SOX5: variants seen among roughly 807,000 people sequenced by gnomAD.
SOX5 encodes SRY-box transcription factor 5.
A neutral mutation model predicts 92.0 loss-of-function variants in SOX5; 9 were observed. The observed-to-expected ratio is 0.10, with a 90% confidence interval of 0.06 to 0.17. The LOEUF (loss-of-function observed/expected upper bound fraction) is 0.17. SOX5 is among the 10% of genes least tolerant of loss of function. SOX5 has a pLI of 1.00. For missense variants in SOX5, 642 were observed against 944.5 expected, an observed-to-expected ratio of 0.68 and a Z score of 4.20; for synonymous variants, 344 against 336.3, an observed-to-expected ratio of 1.02 and a Z score of -0.25.
intron 2 of SOX5, among the ~76,000 whole-genome samples, chr12:24,342,853 T>C (rs1412785987): frequency 6.6e-6 from 1 of 152,182 alleles, no homozygotes. Flanking sequence ...GGCGAAATGG[T>C]AAATAGAAAA....
chr12:24,485,756 AC>A (rs1946455950), intron 1 of SOX5, among the ~76,000 whole-genome samples: 1 of 151,998 alleles, frequency 6.6e-6, no homozygotes, highest in East Asian at 1.9e-4. Context: ...CCTCCCCTCA[AC>A]CCTAAAATGC....
chr12:24,201,979 TCTTCA>T (rs1957563273), intron 4 of SOX5, among the ~76,000 whole-genome samples: 3 of 152,258 alleles, frequency 2.0e-5, no homozygotes, highest in Non-Finnish European at 4.4e-5. Context: ...TAAACCTTGA[TCTTCA>T]CTTGAGTGCT....
intron 2 of SOX5, among the ~76,000 whole-genome samples, chr12:24,290,287 T>C (rs904312627): frequency 6.6e-6 from 1 of 152,222 alleles, no homozygotes; most frequent in East Asian, 1.9e-4. Flanking sequence ...GGAATGACCA[T>C]AGACTCTAAT....
intron 1 of SOX5, among the ~76,000 whole-genome samples, chr12:24,533,546 A>G (rs1311672651): frequency 2.0e-5 from 3 of 152,206 alleles, no homozygotes; most frequent in East Asian, 1.9e-4. Flanking sequence ...CAAAATTAAA[A>G]TTTTCAGGAC....
intron 2 of SOX5, among the ~76,000 whole-genome samples, chr12:24,317,179 T>G (rs938771757): frequency 6.6e-6 from 1 of 152,226 alleles, no homozygotes; most frequent in African/African-American, 2.4e-5. Flanking sequence ...CTATAAAATA[T>G]GCTCTAAGTA....
At chr12:24,540,824 G>A (rs1477939978) in intron 1 of SOX5, among the ~76,000 whole-genome samples, 1 of 152,084 alleles carries the variant, frequency 6.6e-6, no homozygotes, top group Non-Finnish European at 1.5e-5. Flanking sequence ...ATCAAACTCT[G>A]TACTTTGCAA....
rs1055920251 is a variant in SOX5, at chr12:23,533,581, C to A, written c.*638G>T. On this transcript the variant is annotated 3_prime_UTR_variant, in exon 15 of 15. Coordinates refer to ENST00000451604, the MANE Select transcript of SOX5 (RefSeq NM_006940.6). ...TAATTGCTTATTTTGTGGTGGATAG[C>A]AAGGAAGTTAAAAACAGGCTCTTTT... 6.5e-6 allele frequency: 1 copy of A among 154,348 alleles called. No individual in the cohort carries two copies. Among genetic ancestry groups the A allele is most frequent in the Non-Finnish European group, 1.4e-5 (1 of 69,312 alleles). 9.6% of individuals were successfully genotyped at this position (154,348 alleles called of 1,614,324 possible). A position where few individuals can be genotyped will look rare whatever the true frequency, so the allele number is the denominator to read the frequency against.
chr12:24,029,415 C>T (rs1955233582), intron 4 of SOX5, among the ~76,000 whole-genome samples: 1 of 151,900 alleles, frequency 6.6e-6, no homozygotes, highest in African/African-American at 2.4e-5. Flanking sequence ...GCTAGGACTA[C>T]AGATATGTAA....
intron 3 of SOX5, among the ~76,000 whole-genome samples, chr12:23,788,541 AAAGCAATTGTATAATG>A (rs1405843704): frequency 1.3e-5 from 2 of 151,986 alleles, no homozygotes; most frequent in African/African-American, 2.4e-5. Flanking sequence ...CGGTTTAATA[AAAGCAATTGTATAATG>A]GCCTGGGAAT....
chr12:23,652,383 G>A (rs921842503), intron 7 of SOX5, among the ~76,000 whole-genome samples: 7 of 151,836 alleles, frequency 4.6e-5, no homozygotes, highest in African/African-American at 7.3e-5. Context: ...ATTCCTTGGC[G>A]TCTAATCCTT....
intron 1 of SOX5, among the ~76,000 whole-genome samples, chr12:23,946,350 C>A (rs1944587412): frequency 6.6e-6 from 1 of 151,940 alleles, no homozygotes; most frequent in Admixed American, 6.6e-5. Context: ...AAGTTTCTAA[C>A]ATAAAGCAAT....
chr12:23,950,745 G>T (rs1342792191), upstream of SOX5: 2 of 853,526 alleles, frequency 2.3e-6, no homozygotes, highest in Admixed American at 2.1e-5. Context: ...GGCTGGCAAG[G>T]CACAGCCTCC....
intron 4 of SOX5, among the ~76,000 whole-genome samples, chr12:24,121,278 G>A (rs1445078086): frequency 6.6e-6 from 1 of 152,170 alleles, no homozygotes; most frequent in Non-Finnish European, 1.5e-5. Flanking sequence ...CATGGAAAAT[G>A]TGCATTACTA....
intron 1 of SOX5, among the ~76,000 whole-genome samples, chr12:24,410,172 A>G (rs947013526): frequency 4.0e-5 from 6 of 151,806 alleles, no homozygotes; most frequent in South Asian, 2.1e-4. Context: ...TAATTTTTGT[A>G]TTTTTTGTAG....
intron 9 of SOX5, among the ~76,000 whole-genome samples, chr12:23,589,743 T>C (rs1443619950): frequency 1.3e-5 from 2 of 151,972 alleles, no homozygotes; most frequent in African/African-American, 4.8e-5. Flanking sequence ...TAAATAACAT[T>C]GTTTCATTTT....
chr12:24,053,158 T>C lies in SOX5; in HGVS notation c.-1-157134A>G, dbSNP rs117607129. 6.0e-3 allele frequency among the ~76,000 whole-genome samples: 910 copies of C among 151,944 alleles called. 11 individuals carry two copies. The highest frequency in any genetic ancestry group is 0.034 in the South Asian group (165 of 4,816). On this transcript the variant is annotated intron_variant, in intron 4 of 4. Transcript: ENST00000446891. ...AATGTTACACCTTTCCAGTAACTTTTGAAGCCAATGCTACTGCACGCCCCC... is the reference window on the plus strand; with the variant it reads ...AATGTTACACCTTTCCAGTAACTTTCGAAGCCAATGCTACTGCACGCCCCC...
At chr12:23,958,006 T>A (rs1402487241) in intron 4 of SOX5, among the ~76,000 whole-genome samples, 3 of 152,066 alleles carry the variant, frequency 2.0e-5, no homozygotes. Context: ...CCTAAATAAA[T>A]CATGGGTCTA....
intron 3 of SOX5, among the ~76,000 whole-genome samples, chr12:23,831,497 T>A (rs2096318979): frequency 1.3e-5 from 2 of 152,038 alleles, no homozygotes; most frequent in African/African-American, 4.8e-5. Context: ...GGTATTTCCT[T>A]TACCCAACAA....
At chr12:23,553,924 G>A (rs1213707100) in intron 11 of SOX5, among the ~76,000 whole-genome samples, 1 of 152,074 alleles carries the variant, frequency 6.6e-6, no homozygotes, top group African/African-American at 2.4e-5. Flanking sequence ...TCTTACAAAT[G>A]TAGCCTCAGT....
Sources: allele counts gnomAD v4.1 joint callset (sites outside exome capture counted in the v4.1 genomes callset), GRCh38; gene constraint gnomAD v4.1.1; transcripts MANE v1.5; gene names NCBI Gene and HGNC (gene_info 2026-07-23, HGNC 2026-07-21).